CSMD3: variants seen among roughly 807,000 people sequenced by gnomAD.
CSMD3 encodes the protein CUB and Sushi multiple domains 3.
A neutral mutation model predicts 435.2 loss-of-function variants in CSMD3; 177 were observed. The observed-to-expected ratio is 0.41, with a 90% CI of 0.36 to 0.46. The LOEUF is 0.46. CSMD3 is among the 20% of genes least tolerant of loss of function. The pLI is 0.34. For missense variants in CSMD3, 4,265 were observed against 4,504.6 expected, an observed-to-expected ratio of 0.95 and a Z score of 1.52; for synonymous variants, 1,656 against 1,520.5, an observed-to-expected ratio of 1.09 and a Z score of -2.07.
chr8:113,268,900 C>T (rs764038405), intron 3 of CSMD3, among the ~76,000 whole-genome samples: 29 of 151,800 alleles, frequency 1.9e-4, no homozygotes, highest in Admixed American at 3.9e-4. Flanking sequence ...ATATTTTATA[C>T]GTGATATTAT....
At chr8:113,333,616 T>C (rs1352597650) in intron 1 of CSMD3, among the ~76,000 whole-genome samples, 2 of 151,890 alleles carry the variant, frequency 1.3e-5, no homozygotes, top group African/African-American at 2.4e-5. Flanking sequence ...AGGTTCTCTA[T>C]TGTGTTCCAA....
intron 5 of CSMD3, among the ~76,000 whole-genome samples, chr8:113,066,259 G>T (rs190394090): frequency 9.2e-5 from 14 of 151,994 alleles, no homozygotes; most frequent in African/African-American, 2.9e-4. Context: ...ATATTGTTCT[G>T]AGGACTTTAG....
At chr8:112,660,125 A>G (rs998218654) in intron 17 of CSMD3, among the ~76,000 whole-genome samples, 1 of 152,164 alleles carries the variant, frequency 6.6e-6, no homozygotes, top group Non-Finnish European at 1.5e-5. Flanking sequence ...AGGAATTATT[A>G]AAGAGTTGGC....
intron 11 of CSMD3, among the ~76,000 whole-genome samples, chr8:112,849,130 G>A (rs936153763): frequency 4.6e-5 from 7 of 151,980 alleles, no homozygotes; most frequent in Non-Finnish European, 1.0e-4. Flanking sequence ...CTAAGCTAGC[G>A]AGAGTTATAA....
chr8:112,474,558 C>T (rs1818853987), intron 31 of CSMD3, among the ~76,000 whole-genome samples: 1 of 152,076 alleles, frequency 6.6e-6, no homozygotes, highest in Admixed American at 6.6e-5. Flanking sequence ...TCAGTAGTGG[C>T]TTACCTCTGT....
At chr8:112,361,078 A>AT (rs1563840135) in intron 38 of CSMD3, among the ~76,000 whole-genome samples, 1 of 151,906 alleles carries the variant, frequency 6.6e-6, no homozygotes, top group African/African-American at 2.4e-5. Context: ...CAATAAGAGA[A>AT]TTTTTTTGTA....
intron 10 of CSMD3, among the ~76,000 whole-genome samples, chr8:112,920,306 G>T (rs1276834750): frequency 6.6e-6 from 1 of 151,810 alleles, no homozygotes; most frequent in Non-Finnish European, 1.5e-5. Flanking sequence ...GTTCCTACAA[G>T]TGGTCACAAG....
At chr8:112,734,553 A>C (rs987672306) in intron 13 of CSMD3, among the ~76,000 whole-genome samples, 3 of 151,998 alleles carry the variant, frequency 2.0e-5, no homozygotes, top group Non-Finnish European at 4.4e-5. Flanking sequence ...ATGATATAAC[A>C]TTAGTTCTTC....
intron 53 of CSMD3, among the ~76,000 whole-genome samples, chr8:112,299,559 G>A (rs951223231): frequency 4.6e-5 from 7 of 152,088 alleles, no homozygotes; most frequent in Non-Finnish European, 8.8e-5. Context: ...TGTAGAATTA[G>A]GTGGTAGGCA....
chr8:113,088,887 G>T (rs1200717880), intron 5 of CSMD3, among the ~76,000 whole-genome samples: 1 of 151,836 alleles, frequency 6.6e-6, no homozygotes, highest in South Asian at 2.1e-4. Flanking sequence ...AAATAAAGAT[G>T]TATACAAACA....
intron 4 of CSMD3, among the ~76,000 whole-genome samples, chr8:113,149,556 A>AT (rs945285138): frequency 6.6e-6 from 1 of 151,820 alleles, no homozygotes; most frequent in Non-Finnish European, 1.5e-5. Flanking sequence ...GCTTTGAGAT[A>AT]TTTTTTCAGA....
intron 1 of CSMD3, among the ~76,000 whole-genome samples, chr8:113,387,796 T>C (rs928645026): frequency 1.3e-5 from 2 of 151,706 alleles, no homozygotes; most frequent in African/African-American, 4.8e-5. Context: ...AGCAACAATA[T>C]AGATGCAGCT....
intron 20 of CSMD3, among the ~76,000 whole-genome samples, chr8:112,642,181 C>T (rs972038795): frequency 6.6e-6 from 1 of 151,520 alleles, no homozygotes; most frequent in African/African-American, 2.4e-5. Context: ...CTAAAGGGTG[C>T]CATTTGACTT....
intron 42 of CSMD3, among the ~76,000 whole-genome samples, chr8:112,340,181 C>T (rs1162819677): frequency 6.6e-6 from 1 of 152,184 alleles, no homozygotes; most frequent in African/African-American, 2.4e-5. Flanking sequence ...AAGTATATCA[C>T]AAATATGGTT....
At chr8:113,210,770 G>A (rs901011006) in intron 3 of CSMD3, among the ~76,000 whole-genome samples, 2 of 151,920 alleles carry the variant, frequency 1.3e-5, no homozygotes, top group African/African-American at 2.4e-5. Flanking sequence ...CCAGTTACTT[G>A]GGAGGCTGAG....
intron 31 of CSMD3, among the ~76,000 whole-genome samples, chr8:112,487,986 T>G (rs1820304156): frequency 6.6e-6 from 1 of 152,174 alleles, no homozygotes; most frequent in South Asian, 2.1e-4. Context: ...AAACAAATTT[T>G]TTTAATCACA....
At chr8:112,620,907 T>C (rs1033518919) in intron 22 of CSMD3, among the ~76,000 whole-genome samples, 8 of 152,302 alleles carry the variant, frequency 5.3e-5, no homozygotes, top group African/African-American at 1.9e-4. Flanking sequence ...ACATCTGAAA[T>C]GTACTTTCAA....
chr8:113,261,428 C>T (rs2093426407), intron 3 of CSMD3, among the ~76,000 whole-genome samples: 1 of 152,020 alleles, frequency 6.6e-6, no homozygotes, highest in Admixed American at 6.6e-5. Context: ...GTCATTCTTC[C>T]ATTGTGACCT....
At chr8:112,518,045 A>C (rs1823863939) in intron 27 of CSMD3, among the ~76,000 whole-genome samples, 1 of 152,228 alleles carries the variant, frequency 6.6e-6, no homozygotes, top group Non-Finnish European at 1.5e-5. Context: ...TGTTTAAACG[A>C]TGGTAAATCC....
Sources: allele counts gnomAD v4.1 joint callset (sites outside exome capture counted in the v4.1 genomes callset), GRCh38; gene constraint gnomAD v4.1.1; transcripts MANE v1.5; gene names NCBI Gene and HGNC (gene_info 2026-07-23, HGNC 2026-07-21).